The following TAC3 variants were observed in gnomAD, a reference collection of about 807,000 sequenced individuals.
The protein encoded by TAC3 is tachykinin-3.
A neutral mutation model predicts 16.5 loss-of-function variants in TAC3; 9 were observed. The ratio of observed to expected loss-of-function variants is 0.55; its 90% CI spans 0.33 to 0.95. The LOEUF (loss-of-function observed/expected upper bound fraction) is 0.95, where lower values mean the gene tolerates loss of function less well. TAC3 is among the 40% of genes least tolerant of loss of function. The probability of loss-of-function intolerance (pLI) is 0.03; values close to 1 mark genes in which losing one functional copy is unlikely to be tolerated. For synonymous variants in TAC3, 52 were observed against 56.7 expected, an observed-to-expected ratio of 0.92 and a Z score of 0.37; for missense variants, 129 against 149.1, an observed-to-expected ratio of 0.87 and a Z score of 0.70.
At position 57,013,757 on chromosome 12, in the gene TAC3, A is replaced by G. The variant is rs2136419735; in HGVS notation, c.115-86T>C. On this transcript the variant is annotated intron_variant, in intron 2 of 6. Coordinates refer to ENST00000458521, the MANE Select transcript of TAC3 (RefSeq NM_013251.4). ...TCCCACAAGAAACAGCCTCTTCCTG[A>G]GCCCATCCTGAATCCGACACCCTAT... 5 of 1,119,352 alleles carry G rather than the reference A, an allele frequency of 4.5e-6. No individual in the cohort carries two copies. The South Asian group carries it at 5.3e-5, about 12-fold the overall frequency. The allele number at this position is 1,119,352 out of a possible 1,614,324, so 69.3% of individuals were successfully genotyped here. A position where few individuals can be genotyped will look rare whatever the true frequency, so the allele number is the denominator to read the frequency against.
intron 2 of TAC3, 61 bp from the exon 3 acceptor site, chr12:57,013,732 T>C: frequency 7.2e-7 from 1 of 1,380,912 alleles, no homozygotes; most frequent in Non-Finnish European, 1.0e-6. Context: ...CTCATCCTTT[T>C]CCCACAAGAA....
chr12:57,015,799 G>T lies in TAC3; in HGVS notation c.-2C>A. The T allele has an allele frequency of 3.7e-6, 6 of 1,612,132 alleles. No individual in the cohort carries two copies. The highest frequency in any genetic ancestry group is 5.1e-6 in the Non-Finnish European group (6 of 1,178,272). On this transcript the variant is annotated 5_prime_UTR_variant, in exon 2 of 7. Coordinates refer to ENST00000458521, the MANE Select transcript of TAC3 (RefSeq NM_013251.4). ...TGTGAATAGCAGCATGATCCTCATG[G>T]TGCCTGGGAGAGCAAAGGGACAGGA...
chr12:57,015,599 C>T (rs1005125981), intron 2 of TAC3, 85 bp downstream of exon 2: 1 of 1,242,204 alleles, frequency 8.1e-7, no homozygotes, highest in Non-Finnish European at 1.2e-6. Context: ...AACCCCCCCA[C>T]CCCAGTTTCC....
At chr12:57,012,120 C>T in intron 6 of TAC3, 1 of 518,440 alleles carries the variant, frequency 1.9e-6, no homozygotes, top group Non-Finnish European at 3.5e-6. Context: ...CTCTCCTCAT[C>T]TCCCAACACT....
chr12:57,013,326 G>A (rs769301038), intron 4 of TAC3, 33 bp downstream of exon 4: 3 of 1,613,308 alleles, frequency 1.9e-6, no homozygotes, highest in Non-Finnish European at 1.7e-6. Context: ...TGGGCAAGTG[G>A]CAAGAGATAG....
intron 4 of TAC3, 75 bp downstream of exon 4, chr12:57,013,284 A>G (rs906645020): frequency 1.3e-6 from 2 of 1,558,114 alleles, no homozygotes; most frequent in Non-Finnish European, 1.8e-6. Flanking sequence ...GCTGGACAAA[A>G]TGGCCCCTGG....
chr12:57,015,863 G>A (rs1475774227), intron 1 of TAC3, 61 bp from the exon 2 acceptor site: 1 of 1,405,070 alleles, frequency 7.1e-7, no homozygotes, highest in Non-Finnish European at 1.0e-6. Flanking sequence ...CAGCATGGGT[G>A]AAGACACAAG....
chr12:57,012,802 G>C lies in TAC3; in HGVS notation c.292+20C>G, dbSNP rs780593292. On this transcript the variant is annotated intron_variant, in intron 5 of 6. Coordinates refer to ENST00000458521, the MANE Select transcript of TAC3 (RefSeq NM_013251.4). ...TGCCAGTACCCTAAGCCCTTCCACT[G>C]TACCTCCACACACTCCTACCTGGCT... is the stretch of plus-strand genomic sequence containing the variant. 1.2e-6 allele frequency: 2 copies of C among 1,614,058 alleles called. No individual in the cohort carries two copies. Among genetic ancestry groups the C allele is most frequent in the Non-Finnish European group, 1.7e-6 (2 of 1,179,994 alleles).
intron 2 of TAC3, among the ~76,000 whole-genome samples, chr12:57,014,728 C>T (rs1956349414): frequency 6.6e-6 from 1 of 151,820 alleles, no homozygotes; most frequent in Non-Finnish European, 1.5e-5. Context: ...ACGGTTCTGG[C>T]CTTTTGGATA....
intron 4 of TAC3, 118 bp from the exon 5 acceptor site, chr12:57,012,993 G>T: frequency 1.5e-6 from 2 of 1,297,798 alleles, no homozygotes; most frequent in Non-Finnish European, 2.2e-6. Flanking sequence ...TCTTGTCAAA[G>T]CATGACTCCT....
At position 57,013,606 on chromosome 12, in the gene TAC3, C is replaced by G. The variant is rs1421748688; in HGVS notation, c.180G>C (p.Leu60Phe). ...TGCTAGCCTGGCTCAGGGCTTTGAG[C>G]AATCCCTCCAGAGATGAGTGGCTTT... ...LFKSHSSLEG[L>F]LKALSQASTD... Residue 60 changes from leucine to phenylalanine, a missense_variant, in exon 3 of 7, where the codon TTG becomes TTC. Physicochemically the swap from Leu to Phe is conservative, Grantham distance 22 (BLOSUM62 0). Coordinates refer to ENST00000458521, the MANE Select transcript of TAC3 (RefSeq NM_013251.4). 6.2e-7 allele frequency: 1 copy of G among 1,613,672 alleles called. No homozygotes were observed.
intron 6 of TAC3, among the ~76,000 whole-genome samples, chr12:57,011,738 T>C (rs1956300484): frequency 6.6e-6 from 1 of 152,256 alleles, no homozygotes; most frequent in African/African-American, 2.4e-5. Flanking sequence ...ATGAGGAAAC[T>C]GAAGCACAGG....
chr12:57,012,106 C>A, intron 6 of TAC3: 2 of 481,094 alleles, frequency 4.2e-6, no homozygotes, highest in South Asian at 2.5e-5. Context: ...TCGGGGAAGC[C>A]CCTCTCTCCT....
At chr12:57,012,612 C>CA (rs1234794774) in intron 5 of TAC3, 160 bp from the exon 6 acceptor site, 3 of 1,612,640 alleles carry the variant, frequency 1.9e-6, no homozygotes, top group Non-Finnish European at 2.5e-6. Context: ...CCAGCTGCAA[C>CA]AGGACTACCT....
At chr12:57,013,026 TA>T in intron 4 of TAC3, 151 bp from the exon 5 acceptor site, 1 of 952,758 alleles carries the variant, frequency 1.0e-6, no homozygotes, top group South Asian at 1.4e-5. Flanking sequence ...GTGCCTCCCC[TA>T]AACCCACTCT....
At position 57,013,659 on chromosome 12, in the gene TAC3, G is replaced by C; in HGVS notation, c.127C>G (p.Leu43Val). Residue 43 changes from leucine to valine, a missense_variant, in exon 3 of 7, where the codon CTC (leucine) becomes GTC (valine). Coordinates refer to ENST00000458521, the MANE Select transcript of TAC3 (RefSeq NM_013251.4). ...AAGAGTCTCTGGAGCAGCTGGTAGA[G>C]ATCTGGATCCCTCTAGGGAAGAAAC... ...GGGRSKRDPD[L>V]YQLLQRLFKS... The C allele has an allele frequency of 6.2e-7, 1 of 1,612,792 alleles. No homozygotes were observed. Among genetic ancestry groups the C allele is most frequent in the South Asian group, 1.1e-5 (1 of 90,512 alleles).
intron 5 of TAC3, 87 bp from the exon 6 acceptor site, chr12:57,012,539 G>A (rs1956314969): frequency 4.4e-6 from 7 of 1,600,876 alleles, no homozygotes; most frequent in East Asian, 4.5e-5. Flanking sequence ...TGGCTATGAC[G>A]GGCAGTGTTC....
Position 57,012,842 on chromosome 12 carries a change from C to A in TAC3, c.272G>T (p.Gly91Val), listed in dbSNP as rs1183759717. 6.2e-7 allele frequency: 1 copy of A among 1,614,186 alleles called. No homozygotes were observed. The highest frequency in any genetic ancestry group is 8.5e-7 in the Non-Finnish European group (1 of 1,180,012). ...DMHDFFVGLM[G>V]KRSVQPDSPT... ...CCTACCTGGCTGGACGCTCCTCTTG[C>A]CCATAAGTCCCACAAAGAAGTCATG... Residue 91 changes from glycine (G) to valine (V), a missense_variant, in exon 5 of 7, where the codon GGC (glycine) becomes GTC (valine). Gly to Val is a moderately radical substitution (Grantham distance 109). Coordinates refer to ENST00000458521, the MANE Select transcript of TAC3 (RefSeq NM_013251.4).
rs1956364362 is a variant in TAC3, at chr12:57,015,780, T to G, written c.18A>C (p.Leu6=). Residue 6 remains leucine, a synonymous_variant, in exon 2 of 7, where the codon CTA becomes CTC. Transcript: ENST00000458521. ...GGCTGAAGGCCAGGATGGCTGTGAA[T>G]AGCAGCATGATCCTCATGGTGCCTG... The part of the protein sequence containing the change: MRIML[L]FTAILAFSLA... 8 of 1,614,132 alleles carry G rather than the reference T, an allele frequency of 5.0e-6. No homozygotes were observed. Among genetic ancestry groups the G allele is most frequent in the Non-Finnish European group, 6.8e-6 (8 of 1,179,992 alleles).
Sources: allele counts gnomAD v4.1 joint callset (sites outside exome capture counted in the v4.1 genomes callset), GRCh38; gene constraint gnomAD v4.1.1; transcripts MANE v1.5; gene names NCBI Gene and HGNC (gene_info 2026-07-23, HGNC 2026-07-21).